RAB6B: variants seen among roughly 807,000 people sequenced by gnomAD.
RAB6B encodes ras-related protein Rab-6B.
RAB6B carries 7 observed loss-of-function variants against 31.2 expected under a neutral mutation model. The observed-to-expected ratio is 0.22, with a 90% CI of 0.13 to 0.42. RAB6B has a LOEUF of 0.42. Among genes scored for constraint, RAB6B ranks in the 10% least tolerant of loss-of-function variants. RAB6B has a pLI of 1.00. For missense variants in RAB6B, 149 were observed against 280.6 expected, an observed-to-expected ratio of 0.53 and a Z score of 3.35; for synonymous variants, 105 against 104.9, an observed-to-expected ratio of 1.00 and a Z score of -0.01.
chr3:133,847,732 T>C lies in RAB6B; in HGVS notation c.130-6069A>G, dbSNP rs567171713. On this transcript the variant is annotated intron_variant, in intron 2 of 7. Coordinates refer to ENST00000285208, the MANE Select transcript of RAB6B (RefSeq NM_016577.4). ...CCATAGCTCTTGCTATGGTCACCAA[T>C]AGCCATTTGATTATCAAGTCATGAG... Among the ~76,000 whole-genome samples, 45 of 152,340 alleles carry C rather than the reference T, an allele frequency of 3.0e-4. No individual in the cohort carries two copies. The South Asian group carries it at 5.2e-3, about 18-fold the overall frequency.
rs1483494906 is a variant in RAB6B, at chr3:133,824,851, C to A, written c.*3937G>T. On this transcript the variant is annotated 3_prime_UTR_variant, in exon 8 of 8. Transcript: ENST00000285208. ...TTGCTGTGTAATAAATATGGAGTCACATTTGTTCACACACAGGGCAGCAAT... is the reference window on the plus strand; with the variant it reads ...TTGCTGTGTAATAAATATGGAGTCAAATTTGTTCACACACAGGGCAGCAAT... The A allele has an allele frequency of 1.3e-5, 2 of 152,138 alleles. No homozygotes were observed. Among genetic ancestry groups the A allele is most frequent in the African/African-American group, 2.4e-5 (1 of 41,424 alleles). 9.4% of individuals were successfully genotyped at this position (152,138 alleles called of 1,614,324 possible).
Position 133,830,846 on chromosome 3 carries a change from C to T in RAB6B, c.563-1994G>A, listed in dbSNP as rs377736561. 5.8e-4 allele frequency among the ~76,000 whole-genome samples: 89 copies of T among 152,286 alleles called. No individual in the cohort carries two copies. In the Middle Eastern group the frequency reaches 0.014, roughly 23 times the overall value. On this transcript the variant is annotated intron_variant, in intron 7 of 7. Transcript: ENST00000285208. Reference sequence around the variant, plus strand: ...GCCAGACAATTCCTTGTTATGAGGGCGTCCTGTGCACGGAGGATGTTCAGA... The same window carrying T: ...GCCAGACAATTCCTTGTTATGAGGGTGTCCTGTGCACGGAGGATGTTCAGA...
At chr3:133,837,135 C>T (rs1935748392) in intron 6 of RAB6B, among the ~76,000 whole-genome samples, 1 of 152,036 alleles carries the variant, frequency 6.6e-6, no homozygotes, top group African/African-American at 2.4e-5. Flanking sequence ...GGCATGCCCT[C>T]CCTCCTCACC....
At chr3:133,829,996 A>ACTC (rs1227018484) in intron 7 of RAB6B, among the ~76,000 whole-genome samples, 3 of 152,178 alleles carry the variant, frequency 2.0e-5, no homozygotes, top group African/African-American at 7.2e-5. Context: ...GCAGCCTATA[A>ACTC]ATGAGTAAAT....
intron 7 of RAB6B, among the ~76,000 whole-genome samples, chr3:133,829,504 G>A (rs1394428078): frequency 2.0e-5 from 3 of 152,084 alleles, no homozygotes; most frequent in African/African-American, 4.8e-5. Context: ...CTTCCTCATC[G>A]GGCTCAAAAC....
In RAB6B at chr3:133,827,609, C is replaced by A; in HGVS notation, c.*1179G>T. 1 of 435,306 alleles carries A rather than the reference C, an allele frequency of 2.3e-6. No homozygotes were observed. Among genetic ancestry groups the A allele is most frequent in the Non-Finnish European group, 4.1e-6 (1 of 241,348 alleles). The allele number at this position is 435,306 out of a possible 1,614,324, so 27.0% of individuals were successfully genotyped here. A position where few individuals can be genotyped will look rare whatever the true frequency, so the allele number is the denominator to read the frequency against. On this transcript the variant is annotated 3_prime_UTR_variant, in exon 8 of 8. Transcript: ENST00000285208. ...GCCACAGTAGCCACAAAGATATGTC[C>A]ACAAAGACTTCAACTGCGCCATGCC...
chr3:133,894,441 C>G (rs1936679204), intron 1 of RAB6B: 1 of 152,278 alleles, frequency 6.6e-6, no homozygotes, highest in South Asian at 2.1e-4. Context: ...AGCGGAGAAG[C>G]AGTCTCCCCC....
At chr3:133,868,505 G>A (rs1936273090) in intron 1 of RAB6B, among the ~76,000 whole-genome samples, 1 of 152,242 alleles carries the variant, frequency 6.6e-6, no homozygotes, top group Non-Finnish European at 1.5e-5. Flanking sequence ...AGGTCACACC[G>A]CTGTGCTTCT....
In RAB6B at chr3:133,890,877, A is replaced by G. The variant is rs74706949; in HGVS notation, c.70+4520T>C. On this transcript the variant is annotated intron_variant, in intron 1 of 7. Transcript: ENST00000285208. ...CCTTAGCTAACAGAGACAACAGAAG[A>G]CAGGTCATGGGGAAGCATATGATTG... Among the ~76,000 whole-genome samples, 703 of 152,340 alleles carry G rather than the reference A, an allele frequency of 4.6e-3. 5 individuals are homozygous for G. The highest frequency in any genetic ancestry group is 0.016 in the African/African-American group (655 of 41,574).
rs116238526 is a variant in RAB6B, at chr3:133,851,301, T to C, written c.130-9638A>G. Among the ~76,000 whole-genome samples the C allele has an allele frequency of 9.7e-3, 1,477 of 152,356 alleles. 19 individuals carry two copies. The highest frequency in any genetic ancestry group is 0.034 in the African/African-American group (1,409 of 41,586). On this transcript the variant is annotated intron_variant, in intron 2 of 7. Transcript: ENST00000285208. ...TTTTAGATAAAAGTGATGGCTTCAG[T>C]ACACCCTGAGGTGTGAAGCCACACA...
At chr3:133,837,460 G>A (rs542808827) in intron 6 of RAB6B, among the ~76,000 whole-genome samples, 3 of 152,274 alleles carry the variant, frequency 2.0e-5, no homozygotes, top group Admixed American at 2.0e-4. Flanking sequence ...GATTTCTATT[G>A]GTGGTAAAGC....
chr3:133,841,225 C>T, intron 4 of RAB6B, 60 bp downstream of exon 4: 1 of 1,536,460 alleles, frequency 6.5e-7, no homozygotes, highest in Non-Finnish European at 9.0e-7. Flanking sequence ...TGGCCAGGGT[C>T]ACACCTGGGC....
intron 2 of RAB6B, among the ~76,000 whole-genome samples, chr3:133,854,838 T>C (rs984870814): frequency 3.3e-5 from 5 of 152,278 alleles, no homozygotes; most frequent in African/African-American, 1.2e-4. Flanking sequence ...GAGGCACTTG[T>C]TGAAGTCTTC....
At chr3:133,870,210 A>T (rs1228346554) in intron 1 of RAB6B, among the ~76,000 whole-genome samples, 1 of 152,184 alleles carries the variant, frequency 6.6e-6, no homozygotes, top group Non-Finnish European at 1.5e-5. Flanking sequence ...TTCACAAGGC[A>T]GCGGGACAGA....
At position 133,824,777 on chromosome 3, in the gene RAB6B, C is replaced by T. The variant is rs1935530322; in HGVS notation, c.*4011G>A. 6.6e-6 allele frequency: 1 copy of T among 152,020 alleles called. No homozygotes were observed. Among genetic ancestry groups the T allele is most frequent in the African/African-American group, 2.4e-5 (1 of 41,382 alleles). The allele number at this position is 152,020 out of a possible 1,614,324, so 9.4% of individuals were successfully genotyped here. A position where few individuals can be genotyped will look rare whatever the true frequency, so the allele number is the denominator to read the frequency against. On this transcript the variant is annotated 3_prime_UTR_variant, in exon 8 of 8. Transcript: ENST00000285208. ...TGCTGGGAAGAACCTAGTGTCCTAACCAAAAAGAGTAGAGATGGTCTGAGG... is the reference window on the plus strand; with the variant it reads ...TGCTGGGAAGAACCTAGTGTCCTAATCAAAAAGAGTAGAGATGGTCTGAGG...
rs1454834545 is a variant in RAB6B at position 133,828,214 on chromosome 3, C to A, written c.*574G>T. 6 of 561,702 alleles carry A rather than the reference C, an allele frequency of 1.1e-5. No homozygotes were observed. Among genetic ancestry groups the A allele is most frequent in the African/African-American group, 5.6e-5 (3 of 53,120 alleles). The allele number at this position is 561,702 out of a possible 1,614,324, so 34.8% of individuals were successfully genotyped here. A position where few individuals can be genotyped will look rare whatever the true frequency, so the allele number is the denominator to read the frequency against. On this transcript the variant is annotated 3_prime_UTR_variant, in exon 8 of 8. Transcript: ENST00000285208. ...CATGGAAAGACAAGAGTCAGAGCTA[C>A]CTTTTCAGAGGCTGATGTGTTCAAC...
intron 2 of RAB6B, among the ~76,000 whole-genome samples, chr3:133,853,688 C>G (rs1321005554): frequency 2.0e-5 from 3 of 152,132 alleles, no homozygotes; most frequent in Non-Finnish European, 4.4e-5. Flanking sequence ...AACACCAACA[C>G]TGGATTGGGA....
intron 2 of RAB6B, among the ~76,000 whole-genome samples, chr3:133,851,190 A>G (rs1243797382): frequency 6.6e-6 from 1 of 152,252 alleles, no homozygotes; most frequent in Non-Finnish European, 1.5e-5. Context: ...AGGAAAATAT[A>G]CTAATGGAAA....
intron 1 of RAB6B, among the ~76,000 whole-genome samples, chr3:133,867,441 G>GGCACTA (rs1488526937): frequency 6.6e-6 from 1 of 152,192 alleles, no homozygotes; most frequent in Non-Finnish European, 1.5e-5. Flanking sequence ...AACTCTGGGT[G>GGCACTA]GCACTAATGT....
Sources: allele counts gnomAD v4.1 joint callset (sites outside exome capture counted in the v4.1 genomes callset), GRCh38; gene constraint gnomAD v4.1.1; transcripts MANE v1.5; gene names NCBI Gene and HGNC (gene_info 2026-07-23, HGNC 2026-07-21).